The following OTOGL variants were observed in gnomAD, a reference collection of about 807,000 sequenced individuals.
The protein encoded by OTOGL is otogelin like.
In OTOGL, 285 loss-of-function variants were observed where a neutral mutation model predicts 318.5. That is an observed-to-expected ratio of 0.89 (90% confidence interval 0.81 to 0.99). The LOEUF (loss-of-function observed/expected upper bound fraction) is 0.99. Ranked by LOEUF, OTOGL falls within the 50% of genes least tolerant of loss-of-function variation. OTOGL has a pLI of 0.00. For synonymous variants in OTOGL, 987 were observed against 936.5 expected, an observed-to-expected ratio of 1.05 and a Z score of -0.99; for missense variants, 2,899 against 2,845.6, an observed-to-expected ratio of 1.02 and a Z score of -0.43.
chr12:80,176,548 T>C (rs931999537), intron 1 of OTOGL, among the ~76,000 whole-genome samples: 1 of 152,190 alleles, frequency 6.6e-6, no homozygotes, highest in Non-Finnish European at 1.5e-5. Context: ...TATATTTTTT[T>C]GAGATCTATT....
intron 1 of OTOGL, among the ~76,000 whole-genome samples, chr12:80,181,397 G>T (rs892997453): frequency 1.3e-5 from 2 of 151,600 alleles, no homozygotes; most frequent in Non-Finnish European, 2.9e-5. Flanking sequence ...CCCTTTGGTG[G>T]TTATTGAATA....
intron 29 of OTOGL, among the ~76,000 whole-genome samples, chr12:80,307,831 C>T (rs1468106026): frequency 1.4e-5 from 2 of 140,868 alleles, no homozygotes; most frequent in East Asian, 2.1e-4. Context: ...AGAGGCACCC[C>T]TCACCTCCCG....
intron 27 of OTOGL, 39 bp downstream of exon 27, chr12:80,297,000 C>T: frequency 7.0e-7 from 1 of 1,429,758 alleles, no homozygotes. Flanking sequence ...TTGAACTTGT[C>T]CTGAGGATAC....
chr12:80,202,095 A>G (rs1876497234), intron 1 of OTOGL, among the ~76,000 whole-genome samples: 1 of 152,190 alleles, frequency 6.6e-6, no homozygotes, highest in South Asian at 2.1e-4. Flanking sequence ...AGAGCACTTA[A>G]TAGAAATCTA....
At chr12:80,329,156 T>C (rs748445089) in intron 37 of OTOGL, 37 bp downstream of exon 37, 5 of 1,406,560 alleles carry the variant, frequency 3.6e-6, no homozygotes, top group African/African-American at 1.5e-5. Flanking sequence ...AGTAGCACTA[T>C]GTAGTTTAAG....
intron 11 of OTOGL, among the ~76,000 whole-genome samples, chr12:80,250,088 C>T (rs576522646): frequency 1.3e-5 from 2 of 152,022 alleles, no homozygotes; most frequent in Admixed American, 1.3e-4. Flanking sequence ...GAGATGAACC[C>T]GGTACCTCAG....
At chr12:80,101,878 C>T (rs901811211) in intron 1 of OTOGL, among the ~76,000 whole-genome samples, 28 of 152,150 alleles carry the variant, frequency 1.8e-4, no homozygotes, top group African/African-American at 5.3e-4. Context: ...TGTAATTAAA[C>T]GGAAAATACT....
chr12:80,368,392 A>C (rs548634363), intron 55 of OTOGL, 83 bp downstream of exon 55: 67 of 438,542 alleles, frequency 1.5e-4, no homozygotes, highest in South Asian at 4.3e-4. Flanking sequence ...GTCCCCCCCC[A>C]CACACACTGC....
At chr12:80,325,228 A>C (rs191956563) in intron 35 of OTOGL, among the ~76,000 whole-genome samples, 8 of 152,230 alleles carry the variant, frequency 5.3e-5, no homozygotes, top group African/African-American at 1.9e-4. Flanking sequence ...GATCTATGGC[A>C]AATGTTGCCA....
At chr12:80,128,107 A>G (rs1870976356) in intron 1 of OTOGL, among the ~76,000 whole-genome samples, 1 of 152,084 alleles carries the variant, frequency 6.6e-6, no homozygotes, top group South Asian at 2.1e-4. Context: ...TTGGAGGAGG[A>G]GAGGAGCTCT....
In OTOGL at chr12:80,345,232, TA is replaced by T. The variant is rs1404099282; in HGVS notation, c.5265+3071del. Among the ~76,000 whole-genome samples, 83 of 139,720 alleles carry T rather than the reference TA, an allele frequency of 5.9e-4. 1 individual carries two copies. The highest frequency in any genetic ancestry group is 1.8e-3 in the Admixed American group (24 of 13,172). The allele number at this position is 139,720 out of a possible 152,430, so 91.7% of individuals were successfully genotyped here. ...ATGTATAAAATATATATATATTATA[TA>T]TATATATTTTTTTGAAGAGTCTTGC... On this transcript the variant is annotated intron_variant, in intron 44 of 58. Transcript: ENST00000547103.
At chr12:80,341,318 T>C (rs1357874427) in intron 43 of OTOGL, among the ~76,000 whole-genome samples, 1 of 152,156 alleles carries the variant, frequency 6.6e-6, no homozygotes, top group Non-Finnish European at 1.5e-5. Flanking sequence ...AGTCTTGAGC[T>C]TGACAATAGT....
chr12:80,229,518 A>T, intron 8 of OTOGL, 140 bp downstream of exon 8: 1 of 1,211,694 alleles, frequency 8.3e-7, no homozygotes, highest in South Asian at 1.5e-5. Context: ...ACATACAGAC[A>T]TCAAAACTTC....
Position 80,296,761 on chromosome 12 carries a change from T to TA in OTOGL, c.2929-61dup, listed in dbSNP as rs1479127379. ...ATTGTCAATATTTAAGATTTCTTAA[T>TA]AAAAATAACTAAAAATAATATAGGT... On this transcript the variant is annotated intron_variant, in intron 26 of 58. Coordinates refer to ENST00000547103, the MANE Select transcript of OTOGL (RefSeq NM_001378609.3). The TA allele has an allele frequency of 3.4e-6, 4 of 1,169,480 alleles. No homozygotes were observed. The African/African-American group carries it at 6.2e-5, about 18-fold the overall frequency. The allele number at this position is 1,169,480 out of a possible 1,614,324, so 72.4% of individuals were successfully genotyped here. A position where few individuals can be genotyped will look rare whatever the true frequency, so the allele number is the denominator to read the frequency against.
intron 8 of OTOGL, among the ~76,000 whole-genome samples, chr12:80,229,992 GTTT>G (rs397850076): frequency 7.0e-6 from 1 of 142,796 alleles, no homozygotes; most frequent in African/African-American, 2.6e-5. Flanking sequence ...TTGGTGGAAG[GTTT>G]TTTTTTTTTT....
At chr12:80,309,256 A>G (rs1401722512) in intron 29 of OTOGL, among the ~76,000 whole-genome samples, 4 of 152,190 alleles carry the variant, frequency 2.6e-5, no homozygotes, top group Non-Finnish European at 5.9e-5. Flanking sequence ...TCGAGGTGGA[A>G]AAATTAACAG....
intron 57 of OTOGL, among the ~76,000 whole-genome samples, chr12:80,372,318 G>A (rs552183185): frequency 8.6e-5 from 13 of 151,984 alleles, no homozygotes; most frequent in Non-Finnish European, 1.9e-4. Context: ...TGTAAAGAAA[G>A]TGTTTGCATT....
intron 40 of OTOGL, 35 bp downstream of exon 40, chr12:80,336,590 A>G: frequency 1.9e-6 from 3 of 1,577,762 alleles, no homozygotes; most frequent in Non-Finnish European, 2.6e-6. Context: ...TCATTTCATC[A>G]TAAATCTATA....
intron 1 of OTOGL, among the ~76,000 whole-genome samples, chr12:80,205,053 C>A (rs1269681585): frequency 2.0e-5 from 3 of 152,114 alleles, no homozygotes; most frequent in Non-Finnish European, 2.9e-5. Context: ...TAGAACCACC[C>A]CTACTGCCAC....
Sources: gnomAD v4.1 joint callset for allele counts (sites outside exome capture counted in the v4.1 genomes callset) on GRCh38, gnomAD v4.1.1 for gene constraint, MANE v1.5 for transcripts, NCBI Gene and HGNC (gene_info 2026-07-23, HGNC 2026-07-21) for gene names.